The following TTN variants were observed in gnomAD, a reference collection of about 807,000 sequenced individuals.
The protein encoded by TTN is connectin.
TTN carries 1,525 observed loss-of-function variants against 3,223.0 expected under a neutral mutation model. That is an observed-to-expected ratio of 0.47 (90% CI 0.45 to 0.49). The LOEUF is 0.49. Among genes scored for constraint, TTN ranks in the 20% least tolerant of loss-of-function variants. TTN has a pLI of 0.00. For missense variants in TTN, 40,786 were observed against 43,424.0 expected (o/e 0.94, Z 5.40); for synonymous variants, 14,094 against 15,161.0 (o/e 0.93, Z 5.17).
chr2:178,594,671 T>C, intron 295 of TTN, 25 bp from the exon 296 acceptor site: 1 of 1,540,788 alleles, frequency 6.5e-7, no homozygotes, highest in Non-Finnish European at 8.7e-7. Flanking sequence ...ATAGGAATTG[T>C]GGTAGAAAAA....
rs879175711 is a variant in TTN, at chr2:178,565,617, C to T, written c.80515G>A (p.Val26839Ile). 1.9e-6 allele frequency: 3 copies of T among 1,613,608 alleles called. No homozygotes were observed. The highest frequency in any genetic ancestry group is 1.1e-5 in the South Asian group (1 of 91,078). ...IVAESKVCNA[V>I]VTGLSSGQEY... The stretch of plus-strand genomic sequence containing the variant: ...TGTCCAGAACTCAAACCAGTAACAA[C>T]TGCATTACAGACTTTGGATTCAGCC... The change falls in exon 326 of 363, where the codon GTT (valine) becomes ATT (isoleucine). Residue 26839 changes from valine to isoleucine, a missense_variant. By Grantham distance (29) the Val-to-Ile change is conservative. Coordinates refer to ENST00000589042, the MANE Select transcript of TTN (RefSeq NM_001267550.2).
At chr2:178,723,743 G>C (rs749917320) in intron 73 of TTN, 47 bp from the exon 74 acceptor site, 21 of 1,528,586 alleles carry the variant, frequency 1.4e-5, no homozygotes, top group Non-Finnish European at 1.7e-5. Context: ...AGCTTCAGAT[G>C]GAGTTGCAAT....
At position 178,722,729 on chromosome 2, in the gene TTN, A is replaced by G. The variant is rs2078621695; in HGVS notation, c.22170T>C (p.Ser7390=). 6.2e-7 allele frequency: 1 copy of G among 1,613,066 alleles called. No individual in the cohort carries two copies. The highest frequency in any genetic ancestry group is 1.3e-5 in the African/African-American group (1 of 74,902). ...TTTCTGCTTTGCATGTGTACTCTCC[A>G]CTGTCATTGATGTTCACTTTATTAA... ...LVFNKVNIND[S]GEYTCKAENS... is the part of the protein sequence containing the mutation. The change falls in exon 76 of 363, where the codon AGT becomes AGC. Residue 7390 remains serine (S), a synonymous_variant. Coordinates refer to ENST00000589042, the MANE Select transcript of TTN (RefSeq NM_001267550.2).
At position 178,739,183 on chromosome 2, in the gene TTN, C is replaced by T. The variant is rs377579941; in HGVS notation, c.14050G>A (p.Gly4684Arg). The change falls in exon 48 of 363, where the codon GGA becomes AGA. Residue 4684 changes from glycine (G) to arginine (R), a missense_variant. Gly to Arg is a moderately radical substitution (Grantham distance 125). Transcript: ENST00000589042. ...AGTTTGGCTGAAGTTGCTGTTTTTC[C>T]GCTGTCATTCAAGGCCTCACAGACA... ...EYVCEALNDSGKTATSAKLTV... is the reference protein window; with the variant it reads ...EYVCEALNDSRKTATSAKLTV... The T allele has an allele frequency of 2.4e-5, 37 of 1,514,098 alleles. No homozygotes were observed. In the African/African-American group the frequency reaches 3.1e-4, roughly 13 times the overall value. 93.8% of individuals were successfully genotyped at this position (1,514,098 alleles called of 1,614,324 possible).
In TTN at chr2:178,679,651, T is replaced by C. The variant is rs746780441; in HGVS notation, c.33612A>G (p.Glu11204=). Residue 11204 remains glutamate, a synonymous_variant, in exon 141 of 363, where the codon GAA becomes GAG. Coordinates refer to ENST00000589042, the MANE Select transcript of TTN (RefSeq NM_001267550.2). ...TGGGAACAGGAACAGGTTTCTTCTC[T>C]TCTGGAACAGGTTTCCTGGGTACCT... ...VPEVPRKPVP[E]EKKPVPVPKK... 1.2e-6 allele frequency: 2 copies of C among 1,611,390 alleles called. No homozygotes were observed. The highest frequency in any genetic ancestry group is 1.7e-5 in the Admixed American group (1 of 59,464).
chr2:178,757,231 T>TGTGCTTG (rs1252574568), intron 45 of TTN, among the ~76,000 whole-genome samples: 1 of 148,874 alleles, frequency 6.7e-6, no homozygotes, highest in Non-Finnish European at 1.5e-5. Context: ...TAAGTAATAA[T>TGTGCTTG]CAGCAAATAG....
rs376823283 is a variant in TTN at position 178,714,445 on chromosome 2, C to G, written c.26329G>C (p.Val8777Leu). ...ATCCATATGTTGTCACTTTCTCTAA[C>G]GATTTCTCCCTTATCTTTGAACCAC... is the stretch of plus-strand genomic sequence containing the variant. ...VVWFKDKGEIVRESDNIWISY... is the reference protein window; with the variant it reads ...VVWFKDKGEILRESDNIWISY... The change falls in exon 91 of 363, where the codon GTT becomes CTT. Residue 8777 changes from valine (V) to leucine (L), a missense_variant. By Grantham distance (32) the Val-to-Leu change is conservative. Transcript: ENST00000589042. 1.9e-6 allele frequency: 3 copies of G among 1,613,554 alleles called. No individual in the cohort carries two copies. Among genetic ancestry groups the G allele is most frequent in the Non-Finnish European group, 1.7e-6 (2 of 1,179,708 alleles).
chr2:178,581,566 G>C lies in TTN; in HGVS notation c.66702C>G (p.Ala22234=), dbSNP rs371802557. The C allele has an allele frequency of 1.2e-6, 2 of 1,612,352 alleles. No individual in the cohort carries two copies. The highest frequency in any genetic ancestry group is 2.2e-5 in the South Asian group (2 of 90,996). ...GGTCACTGTATCCAATCTTATTAAC[G>C]GCATACACACGGAATTGATATTGTG... ...EDTQYQFRVY[A]VNKIGYSDPS... The change falls in exon 316 of 363, where the codon GCC becomes GCG. Residue 22234 remains alanine, a synonymous_variant. Coordinates refer to ENST00000589042, the MANE Select transcript of TTN (RefSeq NM_001267550.2).
chr2:178,784,215 G>A lies in TTN; in HGVS notation c.2630C>T (p.Pro877Leu). Residue 877 changes from proline to leucine, a missense_variant, in exon 16 of 363, where the codon CCC becomes CTC. Pro to Leu is a moderately conservative substitution (Grantham distance 98). Transcript: ENST00000589042. ...GTCAGCGAAGGGGAACTGTGGCAAG[G>A]GTGTGGGCTCTGCCCTTACTCTAGT... ...SETRVRAEPT[P>L]LPQFPFADTP... 1 of 1,614,182 alleles carries A rather than the reference G, an allele frequency of 6.2e-7. No homozygotes were observed.
chr2:178,652,680 T>C lies in TTN; in HGVS notation c.39016A>G (p.Lys13006Glu), dbSNP rs1458495742. ...PEKKVPSAPP[K>E]KPEVPPVKVP... ...TTAACAGGTGGGACTTCAGGCTTTT[T>C]AGGAGGAGCCGAGGGCACTTTCTTT... The change falls in exon 201 of 363, where the codon AAA becomes GAA. Residue 13006 changes from lysine to glutamate, a missense_variant. By Grantham distance (56) the Lys-to-Glu change is moderately conservative. Transcript: ENST00000589042. 2.5e-6 allele frequency: 4 copies of C among 1,613,444 alleles called. No homozygotes were observed. Among genetic ancestry groups the C allele is most frequent in the Non-Finnish European group, 3.4e-6 (4 of 1,179,546 alleles).
rs373655492 is a variant in TTN, at chr2:178,530,858, C to T, written c.105757G>A (p.Val35253Met). ...GGGTGAGAAGGTTCTGGAGATTTCA[C>T]TCGTTTTGGAGACTTAACTGCTTCT... ...SPEAVKSPKR[V>M]KSPEPSHPKA... is the part of the protein sequence containing the mutation. Residue 35253 changes from valine to methionine, a missense_variant, in exon 358 of 363, where the codon GTG becomes ATG. By Grantham distance (21) the Val-to-Met change is conservative (BLOSUM62 1). Coordinates refer to ENST00000589042, the MANE Select transcript of TTN (RefSeq NM_001267550.2). The T allele has an allele frequency of 1.8e-4, 298 of 1,613,542 alleles. 1 individual carries two copies. Among genetic ancestry groups the T allele is most frequent in the Non-Finnish European group, 2.4e-4 (278 of 1,179,856 alleles).
chr2:178,711,979 C>A lies in TTN; in HGVS notation c.27851G>T (p.Gly9284Val), dbSNP rs770920718. ...EYICKAENSV[G>V]EVSASTFLTV... ...AAGGAAAGTTGATGCAGAAACTTCT[C>A]CCACGCTGTTTTCAGCTTTGCAGAT... Residue 9284 changes from glycine (G) to valine (V), a missense_variant, in exon 96 of 363, where the codon GGA becomes GTA. By Grantham distance (109) the Gly-to-Val change is moderately radical. Coordinates refer to ENST00000589042, the MANE Select transcript of TTN (RefSeq NM_001267550.2). The A allele has an allele frequency of 1.9e-6, 3 of 1,608,608 alleles. No homozygotes were observed. Among genetic ancestry groups the A allele is most frequent in the Non-Finnish European group, 2.6e-6 (3 of 1,176,286 alleles).
Position 178,563,646 on chromosome 2 carries a change from C to T in TTN, c.82486G>A (p.Asp27496Asn), listed in dbSNP as rs554231442. ...MVVTWARPVD[D>N]GGTEIEGYIL... ...TAGCCCTCAATTTCGGTACCTCCGT[C>T]GTCTACTGGGCGTGCCCATGTTACT... Residue 27496 changes from aspartate to asparagine, a missense_variant, in exon 326 of 363, where the codon GAC (aspartate) becomes AAC (asparagine). Transcript: ENST00000589042. The surrounding 1 kb of genome is among the most constrained non-coding windows in gnomAD (Gnocchi z 4.5). 2.9e-4 allele frequency: 460 copies of T among 1,613,756 alleles called. 5 individuals are homozygous for T. In the South Asian group the frequency reaches 4.0e-3, roughly 14 times the overall value.
intron 43 of TTN, chr2:178,761,112 G>A (rs73038360): frequency 0.034 from 5,173 of 152,160 alleles, 290 homozygotes; most frequent in African/African-American, 0.12. Flanking sequence ...TGTCTTCTTT[G>A]AGGCCATTCT....
chr2:178,562,612 G>A lies in TTN; in HGVS notation c.83520C>T (p.Val27840=). The change falls in exon 326 of 363, where the codon GTC becomes GTT. Residue 27840 remains valine (V), a synonymous_variant. Transcript: ENST00000589042. ...CAATCCCATATTCATTGGAAGCCAA[G>A]ACTCGGAAGTAGTAAGAACATCCTT... ...LQEGCSYYFR[V]LASNEYGIGL... 6.2e-7 allele frequency: 1 copy of A among 1,610,502 alleles called. No homozygotes were observed. Among genetic ancestry groups the A allele is most frequent in the Non-Finnish European group, 8.5e-7 (1 of 1,178,752 alleles).
Position 178,558,631 on chromosome 2 carries a change from G to T in TTN, c.86828C>A (p.Pro28943Gln), listed in dbSNP as rs917359469. 1.2e-6 allele frequency: 2 copies of T among 1,609,478 alleles called. No homozygotes were observed. The highest frequency in any genetic ancestry group is 8.5e-7 in the Non-Finnish European group (1 of 1,179,070). Residue 28943 changes from proline (P) to glutamine (Q), a missense_variant, in exon 327 of 363, where the codon CCA becomes CAA. By Grantham distance (76) the Pro-to-Gln change is moderately conservative (BLOSUM62 -1). Coordinates refer to ENST00000589042, the MANE Select transcript of TTN (RefSeq NM_001267550.2). ...TKEGVKITEKPSPPEKLGVTS... is the reference protein window; with the variant it reads ...TKEGVKITEKQSPPEKLGVTS... Reference sequence around the variant, plus strand: ...TACTCCAAGTTTTTCAGGTGGGCTTGGTTTTTCTAAGAAAACAAAGCATCA... The same window carrying T: ...TACTCCAAGTTTTTCAGGTGGGCTTTGTTTTTCTAAGAAAACAAAGCATCA...
rs1246746665 is a variant in TTN, at chr2:178,583,076, G to A, written c.65727C>T (p.Gly21909=). Residue 21909 remains glycine, a synonymous_variant, in exon 313 of 363, where the codon GGC becomes GGT. Transcript: ENST00000589042. ...KDGTLLKPAE[G]IKMAMQRNLC... is the part of the protein sequence containing the mutation. The stretch of plus-strand genomic sequence containing the variant: ...GATTCCGCTGCATGGCCATCTTTAT[G>A]CCTTCTGCTGGTTTTAGCAGTGTGC... 2 of 1,611,346 alleles carry A rather than the reference G, an allele frequency of 1.2e-6. No homozygotes were observed. Among genetic ancestry groups the A allele is most frequent in the Admixed American group, 1.7e-5 (1 of 59,782 alleles).
chr2:178,543,036 CT>C (rs58609542), intron 347 of TTN, 32 bp downstream of exon 347: 144,441 of 1,178,166 alleles, frequency 0.12, 2 homozygotes, highest in Middle Eastern at 0.15. Context: ...TTTTACTTTA[CT>C]TTTTTTTTTT....
intron 240 of TTN, 56 bp from the exon 241 acceptor site, chr2:178,625,452 T>G: frequency 6.9e-7 from 1 of 1,454,052 alleles, no homozygotes; most frequent in Non-Finnish European, 9.0e-7. Flanking sequence ...ATGGGTGCAT[T>G]TAATTCATTT....
Sources: allele counts gnomAD v4.1 joint callset (sites outside exome capture counted in the v4.1 genomes callset), GRCh38; gene constraint gnomAD v4.1.1; non-coding constraint Gnocchi (gnomAD v3.1); transcripts MANE v1.5; gene names NCBI Gene and HGNC (gene_info 2026-07-23, HGNC 2026-07-21).